The following SNX16 variants were observed in gnomAD, a reference collection of about 807,000 sequenced individuals.
The protein encoded by SNX16 is sorting nexin-16.
SNX16 carries 35 observed loss-of-function variants against 36.7 expected under a neutral mutation model. The ratio of observed to expected loss-of-function variants is 0.95; its 90% CI spans 0.73 to 1.27. The LOEUF (loss-of-function observed/expected upper bound fraction) is 1.27. SNX16 is among the 50% of genes most tolerant of loss of function. The probability of loss-of-function intolerance (pLI) is 0.00; values close to 1 mark genes in which losing one functional copy is unlikely to be tolerated. For synonymous variants in SNX16, 134 were observed against 132.0 expected, an observed-to-expected ratio of 1.02 and a Z score of -0.10; for missense variants, 367 against 393.6, an observed-to-expected ratio of 0.93 and a Z score of 0.57.
In SNX16 at chr8:81,815,322, T is replaced by C. The variant is rs1297546521; in HGVS notation, c.681+3A>G. 2 of 1,610,210 alleles carry C rather than the reference T, an allele frequency of 1.2e-6. No individual in the cohort carries two copies. The highest frequency in any genetic ancestry group is 1.3e-5 in the African/African-American group (1 of 74,842). On this transcript the variant is annotated splice_donor_region_variant and intron_variant, in intron 5 of 7. Coordinates refer to ENST00000345957, the MANE Select transcript of SNX16 (RefSeq NM_152836.3). The stretch of plus-strand genomic sequence containing the variant: ...TTCATGTGCTATATAATACAGCACT[T>C]ACCCTGCTTTCTTCTAGGCTATCAA...
At chr8:81,831,675 G>A (rs543833227) in intron 2 of SNX16, among the ~76,000 whole-genome samples, 10 of 138,394 alleles carry the variant, frequency 7.2e-5, no homozygotes, top group African/African-American at 2.7e-4. Flanking sequence ...TCTAGCGAGT[G>A]ACAGAGTGAG....
At chr8:81,819,515 C>T (rs148851582) in intron 4 of SNX16, among the ~76,000 whole-genome samples, 8 of 152,112 alleles carry the variant, frequency 5.3e-5, no homozygotes, top group South Asian at 2.1e-4. Flanking sequence ...TCACCCTCTG[C>T]GAAACCTTTT....
intron 5 of SNX16, among the ~76,000 whole-genome samples, chr8:81,812,620 C>G (rs150251471): frequency 2.6e-5 from 4 of 151,900 alleles, no homozygotes; most frequent in Non-Finnish European, 4.4e-5. Flanking sequence ...CTAGCAGACC[C>G]GTCTTACAAG....
At chr8:81,802,056 T>C (rs2130567232) in intron 7 of SNX16, among the ~76,000 whole-genome samples, 1 of 151,782 alleles carries the variant, frequency 6.6e-6, no homozygotes, top group South Asian at 2.1e-4. Flanking sequence ...AAAAGGGTGA[T>C]ATTGAGGGAG....
At chr8:81,807,418 C>A (rs1410203004) in intron 5 of SNX16, among the ~76,000 whole-genome samples, 1 of 145,930 alleles carries the variant, frequency 6.9e-6, no homozygotes, top group Non-Finnish European at 1.5e-5. Context: ...ACTCAGGAGG[C>A]TGAGGCAGGA....
At chr8:81,820,809 T>C (rs781181445) in intron 4 of SNX16, among the ~76,000 whole-genome samples, 1 of 151,962 alleles carries the variant, frequency 6.6e-6, no homozygotes, top group African/African-American at 2.4e-5. Flanking sequence ...CTAATTTCTC[T>C]AAATGAATTT....
At chr8:81,819,910 A>G (rs1006136371) in intron 4 of SNX16, among the ~76,000 whole-genome samples, 2 of 152,060 alleles carry the variant, frequency 1.3e-5, no homozygotes, top group Non-Finnish European at 2.9e-5. Context: ...AGGGCTGCCC[A>G]TTGTGTAATG....
rs555759293 is a variant in SNX16, at chr8:81,808,346, G to C, written c.682-5118C>G. On this transcript the variant is annotated intron_variant, in intron 5 of 7. Coordinates refer to ENST00000345957, the MANE Select transcript of SNX16 (RefSeq NM_152836.3). ...AAGAGATGGCTAGTGCTTCATCCAG[G>C]CAAAGAGGTCGAAGTGGTTCTGGAA... The C allele has an allele frequency of 1.4e-4, 182 of 1,290,516 alleles. No individual in the cohort carries two copies. In the African/African-American group the frequency reaches 2.1e-3, roughly 15 times the overall value. The allele number at this position is 1,290,516 out of a possible 1,614,324, so 79.9% of individuals were successfully genotyped here.
At chr8:81,829,291 A>G (rs2130734651) in intron 3 of SNX16, 139 bp downstream of exon 3, 1 of 325,642 alleles carries the variant, frequency 3.1e-6, no homozygotes, top group East Asian at 5.8e-5. Flanking sequence ...TTTTATTTTA[A>G]AAATTTATTT....
At position 81,839,842 on chromosome 8, in the gene SNX16, T is replaced by C. The variant is rs912877582; in HGVS notation, c.145A>G (p.Met49Val). The change falls in exon 2 of 8, where the codon ATG becomes GTG. Residue 49 changes from methionine to valine, a missense_variant. Met to Val is a conservative substitution (Grantham distance 21). Coordinates refer to ENST00000345957, the MANE Select transcript of SNX16 (RefSeq NM_152836.3). Reference protein sequence around the residue: ...SSKGQLEDSNMGNFKQTSVPD... With the variant: ...SSKGQLEDSNVGNFKQTSVPD... ...ACACTTGTCTGTTTAAAATTACCCA[T>C]ATTTGAGTCTTCTAACTGGCCCTTA... The C allele has an allele frequency of 3.7e-6, 6 of 1,614,002 alleles. No homozygotes were observed. Among genetic ancestry groups the C allele is most frequent in the Non-Finnish European group, 5.1e-6 (6 of 1,179,920 alleles).
At chr8:81,803,975 TA>T (rs1809823955) in intron 5 of SNX16, among the ~76,000 whole-genome samples, 1 of 151,442 alleles carries the variant, frequency 6.6e-6, no homozygotes, top group African/African-American at 2.4e-5. Context: ...TATATATATA[TA>T]AATACAAGAT....
chr8:81,836,755 C>G (rs1811513137), intron 2 of SNX16, among the ~76,000 whole-genome samples: 1 of 152,200 alleles, frequency 6.6e-6, no homozygotes, highest in African/African-American at 2.4e-5. Context: ...TCCCCCATCT[C>G]GACCAAACCA....
intron 3 of SNX16, 61 bp downstream of exon 3, chr8:81,829,369 T>C: frequency 1.5e-6 from 1 of 656,150 alleles, no homozygotes; most frequent in African/African-American, 1.9e-5. Flanking sequence ...ATAACAGAAG[T>C]ATAGGAAACA....
chr8:81,833,740 G>A (rs1044680838), intron 2 of SNX16, among the ~76,000 whole-genome samples: 4 of 152,132 alleles, frequency 2.6e-5, no homozygotes, highest in African/African-American at 7.2e-5. Flanking sequence ...TCTCTAGCAA[G>A]ATAAAATACG....
At chr8:81,821,773 G>C (rs1263606126) in intron 4 of SNX16, among the ~76,000 whole-genome samples, 1 of 151,898 alleles carries the variant, frequency 6.6e-6, no homozygotes, top group African/African-American at 2.4e-5. Context: ...AGTACTTATT[G>C]AGAACCAACT....
At chr8:81,812,108 A>G (rs1321473600) in intron 5 of SNX16, among the ~76,000 whole-genome samples, 1 of 152,056 alleles carries the variant, frequency 6.6e-6, no homozygotes, top group Non-Finnish European at 1.5e-5. Context: ...ATCAATAGAA[A>G]TTTTCAATCT....
rs1380656025 is a variant in SNX16 at position 81,839,699 on chromosome 8, T to G, written c.288A>C (p.Gln96His). Reference protein sequence around the residue: ...YSTRPRDTEEQNPETVNWEDR... With the variant: ...YSTRPRDTEEHNPETVNWEDR... ...CTTCCCAATTCACTGTTTCCGGATTTTGTTCTTCAGTGTCTCTTGGTCTAG... is the reference window on the plus strand; with the variant it reads ...CTTCCCAATTCACTGTTTCCGGATTGTGTTCTTCAGTGTCTCTTGGTCTAG... Residue 96 changes from glutamine (Q) to histidine (H), a missense_variant, in exon 2 of 8, where the codon CAA becomes CAC. Coordinates refer to ENST00000345957, the MANE Select transcript of SNX16 (RefSeq NM_152836.3). The G allele has an allele frequency of 6.2e-7, 1 of 1,613,962 alleles. No individual in the cohort carries two copies.
Position 81,823,905 on chromosome 8 carries a change from A to C in SNX16, c.498T>G (p.Leu166=). 1 of 1,611,614 alleles carries C rather than the reference A, an allele frequency of 6.2e-7. No individual in the cohort carries two copies. The change falls in exon 4 of 8, where the codon CTT becomes CTG. Residue 166 remains leucine, a synonymous_variant. Coordinates refer to ENST00000345957, the MANE Select transcript of SNX16 (RefSeq NM_152836.3). The stretch of plus-strand genomic sequence containing the variant: ...TATCTTTAAACCAGCGTTTTGGAGG[A>C]AGTGCTAGTCGAAAACCTGGAAACA... The part of the protein sequence containing the change: ...KEMFPGFRLA[L]PPKRWFKDNY...
intron 1 of SNX16, chr8:81,840,471 AAAAGG>A (rs1811694733): frequency 6.5e-6 from 1 of 152,808 alleles, no homozygotes; most frequent in Admixed American, 6.5e-5. Context: ...GAGAAAAAAG[AAAAGG>A]AAGAAAACTA....
Sources: gnomAD v4.1 joint callset for allele counts (sites outside exome capture counted in the v4.1 genomes callset) on GRCh38, gnomAD v4.1.1 for gene constraint, MANE v1.5 for transcripts, NCBI Gene and HGNC (gene_info 2026-07-23, HGNC 2026-07-21) for gene names.